NBEA: variants seen among roughly 807,000 people sequenced by gnomAD.
NBEA encodes lysosomal-trafficking regulator 2.
A neutral mutation model predicts 343.4 loss-of-function variants in NBEA; 44 were observed. That is an observed-to-expected ratio of 0.13 (90% CI 0.10 to 0.16). NBEA has a LOEUF of 0.16. Ranked by LOEUF, NBEA falls within the 10% of genes least tolerant of loss-of-function variation. The pLI, the probability that NBEA is intolerant of heterozygous loss-of-function variation, is 1.00. For synonymous variants in NBEA, 1,175 were observed against 1,238.7 expected (o/e 0.95, Z 1.08); for missense variants, 2,555 against 3,631.3 (o/e 0.70, Z 7.62).
chr13:35,101,020 A>T (rs1451271424), intron 11 of NBEA, among the ~76,000 whole-genome samples: 1 of 151,954 alleles, frequency 6.6e-6, no homozygotes, highest in Non-Finnish European at 1.5e-5. Context: ...TCCATGTTAT[A>T]GCATATTTTA....
intron 23 of NBEA, 90 bp downstream of exon 23, chr13:35,162,057 G>A: frequency 1.9e-6 from 2 of 1,076,886 alleles, no homozygotes; most frequent in South Asian, 1.7e-5. Flanking sequence ...CCAAAAATCT[G>A]CCTTGATTAA....
At chr13:35,346,034 T>C (rs969686507) in intron 36 of NBEA, among the ~76,000 whole-genome samples, 1 of 152,028 alleles carries the variant, frequency 6.6e-6, no homozygotes, top group African/African-American at 2.4e-5. Context: ...TTGGCAGAAC[T>C]CATAAGTGCC....
chr13:35,156,148 C>G lies in NBEA; in HGVS notation c.2593C>G (p.Arg865Gly). Residue 865 changes from arginine (R) to glycine (G), a missense_variant, in exon 20 of 59, where the codon CGT becomes GGT. Arg to Gly is a moderately radical substitution (Grantham distance 125, BLOSUM62 -2). Around this residue, in one of 21 missense-constraint regions of NBEA, gnomAD observed 360 missense variants for 519.1 expected, o/e 0.69. Transcript: ENST00000379939. ...STPSAELMEV[R>G]RLFLSDMIKL... The stretch of plus-strand genomic sequence containing the variant: ...ACCAAGTGCAGAGCTGATGGAAGTT[C>G]GTCGTTTATTTTTATCTGATATGAT... The G allele has an allele frequency of 1.3e-6, 2 of 1,591,084 alleles. No homozygotes were observed. The highest frequency in any genetic ancestry group is 8.6e-7 in the Non-Finnish European group (1 of 1,169,498).
chr13:35,312,700 T>C (rs1426416968), intron 36 of NBEA, among the ~76,000 whole-genome samples: 1 of 152,184 alleles, frequency 6.6e-6, no homozygotes, highest in East Asian at 1.9e-4. Context: ...GTGAACAAAT[T>C]TGAAGTATCT....
At chr13:35,053,140 C>T (rs189762512) in intron 6 of NBEA, among the ~76,000 whole-genome samples, 4 of 152,242 alleles carry the variant, frequency 2.6e-5, no homozygotes, top group Non-Finnish European at 5.9e-5. Flanking sequence ...TATCTCACCT[C>T]CACATTGCTG....
Position 34,972,625 on chromosome 13 carries a change from A to G in NBEA, c.294+29511A>G, listed in dbSNP as rs372617934. ...GACCAGGGTATTCAATTTCCATGTAATTGTATGGTTTTGAGTGAATTTCTT... is the reference window on the plus strand; with the variant it reads ...GACCAGGGTATTCAATTTCCATGTAGTTGTATGGTTTTGAGTGAATTTCTT... On this transcript the variant is annotated intron_variant, in intron 1 of 58. Transcript: ENST00000379939. Among the ~76,000 whole-genome samples the G allele has an allele frequency of 1.1e-4, 16 of 152,180 alleles. No individual in the cohort carries two copies. In the East Asian group the frequency reaches 2.3e-3, roughly 22 times the overall value.
At chr13:35,658,472 G>C (rs955538712) in intron 55 of NBEA, among the ~76,000 whole-genome samples, 4 of 152,176 alleles carry the variant, frequency 2.6e-5, no homozygotes, top group African/African-American at 7.2e-5. Flanking sequence ...GGTGCCTACT[G>C]TGTGCCTACT....
At chr13:35,040,070 C>A (rs778774768) in intron 1 of NBEA, among the ~76,000 whole-genome samples, 1 of 152,026 alleles carries the variant, frequency 6.6e-6, no homozygotes, top group African/African-American at 2.4e-5. Context: ...ATTTGTCAGA[C>A]GTTGTATATG....
intron 1 of NBEA, among the ~76,000 whole-genome samples, chr13:35,007,194 C>T (rs2061346973): frequency 6.6e-6 from 1 of 152,034 alleles, no homozygotes; most frequent in Admixed American, 6.6e-5. Flanking sequence ...TGTTCAAACA[C>T]TGCTTCTTTA....
chr13:35,250,037 A>G (rs1408212556), intron 34 of NBEA, among the ~76,000 whole-genome samples: 3 of 152,134 alleles, frequency 2.0e-5, no homozygotes, highest in Non-Finnish European at 4.4e-5. Flanking sequence ...AATTCAAAGA[A>G]ATAGAAAGTA....
chr13:35,174,861 C>T (rs1353466969), intron 27 of NBEA, among the ~76,000 whole-genome samples: 3 of 150,590 alleles, frequency 2.0e-5, no homozygotes, highest in Non-Finnish European at 2.9e-5. Flanking sequence ...GGCATGATCT[C>T]GGCTCACTGC....
At chr13:35,237,360 C>G (rs989628872) in intron 34 of NBEA, among the ~76,000 whole-genome samples, 2 of 152,164 alleles carry the variant, frequency 1.3e-5, no homozygotes, top group Non-Finnish European at 2.9e-5. Context: ...CATCCAAGGT[C>G]CATACTTGCT....
At chr13:35,616,321 A>G (rs933496255) in intron 48 of NBEA, among the ~76,000 whole-genome samples, 4 of 152,216 alleles carry the variant, frequency 2.6e-5, no homozygotes, top group African/African-American at 7.2e-5. Flanking sequence ...TACTGTTTCT[A>G]CTGCAATATA....
chr13:35,218,532 T>C (rs2074189802), intron 33 of NBEA, among the ~76,000 whole-genome samples: 2 of 152,046 alleles, frequency 1.3e-5, no homozygotes, highest in Admixed American at 6.6e-5. Context: ...GTACCTCTAA[T>C]GCAATTTATT....
At chr13:35,238,602 G>A (rs751099139) in intron 34 of NBEA, among the ~76,000 whole-genome samples, 2 of 152,096 alleles carry the variant, frequency 1.3e-5, no homozygotes, top group Non-Finnish European at 2.9e-5. Context: ...CTATTACTTT[G>A]TTCCTCCTGG....
At chr13:35,079,761 G>T (rs1426427149) in intron 10 of NBEA, among the ~76,000 whole-genome samples, 1 of 152,102 alleles carries the variant, frequency 6.6e-6, no homozygotes, top group Non-Finnish European at 1.5e-5. Flanking sequence ...AGTCCACCAT[G>T]TTTGTTACAT....
chr13:35,408,001 GA>G, intron 38 of NBEA, among the ~76,000 whole-genome samples: 1 of 152,124 alleles, frequency 6.6e-6, no homozygotes, highest in East Asian at 1.9e-4. Flanking sequence ...CACAGAACTA[GA>G]AAAAACTATT....
At chr13:35,453,415 G>A (rs1342049541) in intron 40 of NBEA, among the ~76,000 whole-genome samples, 1 of 152,128 alleles carries the variant, frequency 6.6e-6, no homozygotes, top group Non-Finnish European at 1.5e-5. Context: ...TTAAGTAAAT[G>A]TTCAAGTTTT....
At chr13:35,231,979 T>G (rs1221482659) in intron 33 of NBEA, among the ~76,000 whole-genome samples, 2 of 152,158 alleles carry the variant, frequency 1.3e-5, no homozygotes, top group Non-Finnish European at 2.9e-5. Context: ...TACAGCAGTT[T>G]GTAAAGAAAA....
Sources: gnomAD v4.1 joint callset for allele counts (sites outside exome capture counted in the v4.1 genomes callset) on GRCh38, gnomAD v4.1.1 for gene constraint, gnomAD v4.1.1 regional missense constraint, MANE v1.5 for transcripts, NCBI Gene and HGNC (gene_info 2026-07-23, HGNC 2026-07-21) for gene names.